LRRTM4: variants seen among roughly 807,000 people sequenced by gnomAD.
LRRTM4 encodes the protein leucine rich repeat transmembrane neuronal 4, also known as leucine-rich repeat transmembrane neuronal protein 4.
LRRTM4 carries 25 observed loss-of-function variants against 47.6 expected under a neutral mutation model. The observed-to-expected ratio is 0.53, with a 90% CI of 0.38 to 0.73. The LOEUF is 0.73. LRRTM4 is among the 30% of genes least tolerant of loss of function. The pLI, the probability that LRRTM4 is intolerant of heterozygous loss-of-function variation, is 0.00. For synonymous variants in LRRTM4, 311 were observed against 269.5 expected (o/e 1.15, Z -1.51); for missense variants, 638 against 713.4 (o/e 0.89, Z 1.20).
At chr2:77,048,517 C>A (rs887262011) in intron 3 of LRRTM4, among the ~76,000 whole-genome samples, 1 of 151,910 alleles carries the variant, frequency 6.6e-6, no homozygotes, top group Non-Finnish European at 1.5e-5. Context: ...TGATTAAAAC[C>A]ATGCTGGAAA....
intron 3 of LRRTM4, among the ~76,000 whole-genome samples, chr2:76,752,037 A>G (rs532722345): frequency 6.8e-4 from 103 of 152,308 alleles, no homozygotes; most frequent in African/African-American, 2.4e-3. Context: ...ACTAAAAGAC[A>G]TCAACATGAA....
chr2:77,383,487 G>A (rs998213609), intron 3 of LRRTM4, among the ~76,000 whole-genome samples: 15 of 151,856 alleles, frequency 9.9e-5, no homozygotes, highest in Admixed American at 9.2e-4. Flanking sequence ...ATTTGTCAAA[G>A]CTTTGATTTT....
intron 3 of LRRTM4, among the ~76,000 whole-genome samples, chr2:77,070,085 G>T (rs1214646240): frequency 6.6e-6 from 1 of 152,060 alleles, no homozygotes; most frequent in Non-Finnish European, 1.5e-5. Context: ...ATGAGGCTAT[G>T]AATGAGCTAT....
intron 3 of LRRTM4, among the ~76,000 whole-genome samples, chr2:77,238,761 A>G (rs1001058467): frequency 3.9e-5 from 6 of 152,218 alleles, no homozygotes; most frequent in African/African-American, 1.4e-4. Flanking sequence ...GAAACTTCTC[A>G]TAAAAGAACT....
At chr2:76,840,371 A>G (rs770930336) in intron 3 of LRRTM4, among the ~76,000 whole-genome samples, 8 of 152,344 alleles carry the variant, frequency 5.3e-5, no homozygotes, top group Non-Finnish European at 1.0e-4. Context: ...GAGAGCAATA[A>G]CAGAGCTGTT....
At chr2:76,816,304 T>G (rs558602402) in intron 3 of LRRTM4, among the ~76,000 whole-genome samples, 1 of 152,252 alleles carries the variant, frequency 6.6e-6, no homozygotes, top group East Asian at 1.9e-4. Context: ...GCCCACTGGC[T>G]GCTTTGACTA....
chr2:76,827,648 A>G (rs1442999118), intron 3 of LRRTM4, among the ~76,000 whole-genome samples: 1 of 151,904 alleles, frequency 6.6e-6, no homozygotes, highest in Non-Finnish European at 1.5e-5. Context: ...AAAGATGTAT[A>G]TGAGGATAAT....
At chr2:77,125,923 A>G (rs1558592784) in intron 3 of LRRTM4, among the ~76,000 whole-genome samples, 1 of 150,240 alleles carries the variant, frequency 6.7e-6, no homozygotes, top group East Asian at 1.9e-4. Context: ...ATATATATAT[A>G]TACTATGTAT....
chr2:77,236,688 G>A (rs998544266), intron 3 of LRRTM4, among the ~76,000 whole-genome samples: 1 of 152,032 alleles, frequency 6.6e-6, no homozygotes, highest in African/African-American at 2.4e-5. Flanking sequence ...TTATTTTGAG[G>A]TATGTTCCTT....
At chr2:76,784,648 A>C (rs999612044) in intron 3 of LRRTM4, among the ~76,000 whole-genome samples, 4 of 152,082 alleles carry the variant, frequency 2.6e-5, no homozygotes, top group Non-Finnish European at 4.4e-5. Flanking sequence ...TGAAATGATC[A>C]ATGTAATGTT....
chr2:77,386,119 T>C (rs1408636072), intron 3 of LRRTM4, among the ~76,000 whole-genome samples: 1 of 148,242 alleles, frequency 6.7e-6, no homozygotes, highest in Admixed American at 6.8e-5. Flanking sequence ...TATTATATGT[T>C]ATTAAACATA....
intron 3 of LRRTM4, among the ~76,000 whole-genome samples, chr2:77,043,421 A>G (rs1461105169): frequency 6.6e-6 from 1 of 151,806 alleles, no homozygotes. Context: ...CATAAAATAT[A>G]GCAACAAAGA....
At chr2:77,198,987 C>T (rs1163325269) in intron 3 of LRRTM4, among the ~76,000 whole-genome samples, 2 of 152,124 alleles carry the variant, frequency 1.3e-5, no homozygotes, top group Non-Finnish European at 2.9e-5. Context: ...TGGATCCTAC[C>T]ACAGAGTGAC....
At chr2:76,979,696 C>CGATAGATAGATAGATAGATAGATA (rs71376811) in intron 3 of LRRTM4, among the ~76,000 whole-genome samples, 4,459 of 146,458 alleles carry the variant, frequency 0.03, 130 homozygotes, top group African/African-American at 0.063. Context: ...AGAGTATAAG[C>CGATAGATAGATAGATAGATAGATA]GATAGATAGA....
chr2:77,380,796 GA>G (rs749125604), intron 3 of LRRTM4, among the ~76,000 whole-genome samples: 37 of 137,738 alleles, frequency 2.7e-4, no homozygotes, highest in Admixed American at 4.4e-4. Flanking sequence ...ACTCCATCTC[GA>G]AAAAAAAAAA....
intron 3 of LRRTM4, among the ~76,000 whole-genome samples, chr2:77,503,558 T>A (rs182683643): frequency 2.6e-5 from 4 of 151,740 alleles, no homozygotes; most frequent in Non-Finnish European, 5.9e-5. Flanking sequence ...AACAGAGAAA[T>A]AACATGTTTA....
intron 3 of LRRTM4, among the ~76,000 whole-genome samples, chr2:77,042,195 GTCC>G (rs1573489781): frequency 6.6e-6 from 1 of 151,322 alleles, no homozygotes. Flanking sequence ...ATATAAGAAT[GTCC>G]TTGTTTTTTA....
At chr2:77,397,746 T>C (rs949493343) in intron 3 of LRRTM4, among the ~76,000 whole-genome samples, 2 of 151,908 alleles carry the variant, frequency 1.3e-5, no homozygotes, top group African/African-American at 4.8e-5. Context: ...GGACTGAATG[T>C]ACTGTCCTCT....
intron 3 of LRRTM4, among the ~76,000 whole-genome samples, chr2:77,066,482 G>A (rs1390370795): frequency 1.3e-5 from 2 of 152,140 alleles, no homozygotes; most frequent in African/African-American, 4.8e-5. Flanking sequence ...TTCAAGCTTT[G>A]GCAAAGAGCC....
Sources: allele counts gnomAD v4.1 joint callset (sites outside exome capture counted in the v4.1 genomes callset), GRCh38; gene constraint gnomAD v4.1.1; transcripts MANE v1.5; gene names NCBI Gene and HGNC (gene_info 2026-07-23, HGNC 2026-07-21).